NEGR1: variants seen among roughly 807,000 people sequenced by gnomAD.
The protein encoded by NEGR1 is neuronal growth regulator 1, also known as IgLON family member 4.
Under a neutral mutation model 40.9 loss-of-function variants are expected in NEGR1, and 10 were observed. The ratio of observed to expected loss-of-function variants is 0.24; its 90% CI spans 0.15 to 0.42. The LOEUF (loss-of-function observed/expected upper bound fraction) is 0.42, where lower values mean the gene tolerates loss of function less well. Among genes scored for constraint, NEGR1 ranks in the 10% least tolerant of loss-of-function variants. The pLI is 1.00. For missense variants in NEGR1, 352 were observed against 438.9 expected (o/e 0.80, Z 1.77); for synonymous variants, 185 against 166.8 (o/e 1.11, Z -0.84).
intron 1 of NEGR1, among the ~76,000 whole-genome samples, chr1:72,153,290 A>G (rs1216896376): frequency 6.6e-6 from 1 of 151,980 alleles, no homozygotes; most frequent in Non-Finnish European, 1.5e-5. Flanking sequence ...CAGTGGAATA[A>G]AACTATAGTG....
intron 4 of NEGR1, among the ~76,000 whole-genome samples, chr1:71,627,293 A>T (rs1391086432): frequency 6.6e-6 from 1 of 152,198 alleles, no homozygotes; most frequent in Non-Finnish European, 1.5e-5. Flanking sequence ...TGGCACATAT[A>T]CACTAAATGG....
At chr1:72,220,044 G>T (rs886523273) in intron 1 of NEGR1, among the ~76,000 whole-genome samples, 7 of 151,932 alleles carry the variant, frequency 4.6e-5, no homozygotes, top group African/African-American at 1.7e-4. Context: ...ATTCATCTTG[G>T]AAACTATTTC....
intron 1 of NEGR1, among the ~76,000 whole-genome samples, chr1:72,024,775 G>T (rs1262405708): frequency 6.6e-6 from 1 of 152,144 alleles, no homozygotes; most frequent in Non-Finnish European, 1.5e-5. Context: ...AGTCATTATT[G>T]TGAAACGTGA....
intron 4 of NEGR1, among the ~76,000 whole-genome samples, chr1:71,643,889 A>C (rs544740059): frequency 6.6e-6 from 1 of 152,156 alleles, no homozygotes; most frequent in Admixed American, 6.6e-5. Flanking sequence ...AATCAAATTT[A>C]AATGAACAAT....
intron 6 of NEGR1, among the ~76,000 whole-genome samples, chr1:71,470,480 T>C (rs1201366989): frequency 3.3e-5 from 5 of 152,118 alleles, no homozygotes; most frequent in Admixed American, 3.3e-4. Context: ...TTAATGATAT[T>C]TATGAATTAT....
At chr1:71,754,036 G>C (rs771850659) in intron 3 of NEGR1, among the ~76,000 whole-genome samples, 4 of 152,108 alleles carry the variant, frequency 2.6e-5, no homozygotes, top group Non-Finnish European at 5.9e-5. Context: ...ATAAAGCAAT[G>C]GAACAGAACT....
chr1:72,177,987 C>A (rs540531333), intron 1 of NEGR1, among the ~76,000 whole-genome samples: 1 of 152,072 alleles, frequency 6.6e-6, no homozygotes, highest in East Asian at 1.9e-4. Context: ...TGTCTAGAAT[C>A]TCAAGGGCTT....
chr1:72,151,589 C>T (rs1372017082), intron 1 of NEGR1, among the ~76,000 whole-genome samples: 1 of 151,656 alleles, frequency 6.6e-6, no homozygotes, highest in Admixed American at 6.6e-5. Flanking sequence ...GGACACTTTA[C>T]TCTCATTATT....
At chr1:72,068,183 G>A (rs1370369724) in intron 1 of NEGR1, among the ~76,000 whole-genome samples, 1 of 152,142 alleles carries the variant, frequency 6.6e-6, no homozygotes, top group Non-Finnish European at 1.5e-5. Context: ...CATAATCTAA[G>A]CATGCCCAGA....
intron 6 of NEGR1, among the ~76,000 whole-genome samples, chr1:71,561,928 C>CTT (rs72262470): frequency 0.38 from 52,744 of 139,966 alleles, 10,528 homozygotes; most frequent in East Asian, 0.78. Context: ...TTTGCTAGAG[C>CTT]TTTTTTTTTT....
Position 71,828,384 on chromosome 1 carries a change from A to G in NEGR1, c.410-52087T>C, listed in dbSNP as rs540079297. Among the ~76,000 whole-genome samples the G allele has an allele frequency of 4.6e-4, 70 of 152,084 alleles. 1 individual carries two copies. The South Asian group carries it at 0.013, about 29-fold the overall frequency. ...GTAGGAATAGGAAAAATTAAGGAAA[A>G]GGATATAATAAAGAGAAAATAGCAC... On this transcript the variant is annotated intron_variant, in intron 2 of 6. Transcript: ENST00000357731.
rs1165526233 is a variant in NEGR1 at position 71,407,170 on chromosome 1, CA to C, written c.*275del. On this transcript the variant is annotated 3_prime_UTR_variant, in exon 7 of 7. Coordinates refer to ENST00000357731, the MANE Select transcript of NEGR1 (RefSeq NM_173808.3). ...AATGCTTTTGAAAAGTTGTAGATTA[CA>C]AACATGAAATCACAATTAATATCCT... 4.2e-6 allele frequency: 1 copy of C among 235,988 alleles called. No homozygotes were observed. Among genetic ancestry groups the C allele is most frequent in the Non-Finnish European group, 8.2e-6 (1 of 121,256 alleles). The allele number at this position is 235,988 out of a possible 1,614,324, so 14.6% of individuals were successfully genotyped here.
intron 1 of NEGR1, among the ~76,000 whole-genome samples, chr1:72,055,795 A>C (rs1014126490): frequency 6.8e-6 from 1 of 146,538 alleles, no homozygotes. Flanking sequence ...TATATTATAT[A>C]TATTATATAT....
intron 6 of NEGR1, among the ~76,000 whole-genome samples, chr1:71,465,300 G>A (rs1318795474): frequency 1.3e-5 from 2 of 152,042 alleles, no homozygotes; most frequent in Non-Finnish European, 2.9e-5. Context: ...GACAGTCTCT[G>A]CCTTGATGGA....
intron 1 of NEGR1, among the ~76,000 whole-genome samples, chr1:72,080,771 G>A (rs1274278298): frequency 6.6e-6 from 1 of 151,920 alleles, no homozygotes; most frequent in African/African-American, 2.4e-5. Context: ...ATGAGATGAA[G>A]GCATGCAAGT....
chr1:71,412,646 T>A (rs1646330887), intron 6 of NEGR1, among the ~76,000 whole-genome samples: 1 of 152,182 alleles, frequency 6.6e-6, no homozygotes, highest in Admixed American at 6.5e-5. Context: ...TTCCTGTGAT[T>A]TCTCACCCTC....
At chr1:71,925,085 A>G (rs1557436421) in intron 2 of NEGR1, among the ~76,000 whole-genome samples, 1 of 152,204 alleles carries the variant, frequency 6.6e-6, no homozygotes, top group Non-Finnish European at 1.5e-5. Context: ...GTCAAAAAAT[A>G]AAATAAAATA....
intron 4 of NEGR1, among the ~76,000 whole-genome samples, chr1:71,617,470 G>A (rs909740829): frequency 1.2e-4 from 18 of 152,164 alleles, no homozygotes; most frequent in South Asian, 2.1e-4. Flanking sequence ...GTGCACTTTC[G>A]TTGCCAACCA....
rs568959832 is a variant in NEGR1, at chr1:72,212,571, T to A, written c.176+69748A>T. Among the ~76,000 whole-genome samples, 4 of 152,138 alleles carry A rather than the reference T, an allele frequency of 2.6e-5. No homozygotes were observed. In the South Asian group the frequency reaches 8.3e-4, roughly 31 times the overall value. ...TCCAGAGCACTGCTTATATTCACCT[T>A]TAGATGTCACTTACATTTTGATAAT... On this transcript the variant is annotated intron_variant, in intron 1 of 6. Coordinates refer to ENST00000357731, the MANE Select transcript of NEGR1 (RefSeq NM_173808.3).
Sources: gnomAD v4.1 joint callset for allele counts (sites outside exome capture counted in the v4.1 genomes callset) on GRCh38, gnomAD v4.1.1 for gene constraint, MANE v1.5 for transcripts, NCBI Gene and HGNC (gene_info 2026-07-23, HGNC 2026-07-21) for gene names.